ORC3: variants seen among roughly 807,000 people sequenced by gnomAD.
ORC3 encodes homolog of latheo, Drosophila.
A neutral mutation model predicts 100.7 loss-of-function variants in ORC3; 78 were observed. The observed-to-expected ratio is 0.77, with a 90% CI of 0.65 to 0.94. ORC3 has a LOEUF of 0.94. ORC3 is among the 40% of genes least tolerant of loss of function. The pLI, the probability that ORC3 is intolerant of heterozygous loss-of-function variation, is 0.00. For missense variants in ORC3, 789 were observed against 823.9 expected (o/e 0.96, Z 0.52); for synonymous variants, 295 against 289.3 (o/e 1.02, Z -0.20).
intron 14 of ORC3, among the ~76,000 whole-genome samples, chr6:87,655,979 C>T (rs1195282884): frequency 6.6e-6 from 1 of 152,164 alleles, no homozygotes; most frequent in Non-Finnish European, 1.5e-5. Flanking sequence ...TATTCTCCAG[C>T]TGCATCCTCC....
chr6:87,676,622 C>A, the ORC3 span, among the ~76,000 whole-genome samples: 52 of 123,290 alleles, frequency 4.2e-4, no homozygotes, highest in Admixed American at 1.8e-3. Context: ...CACACACACA[C>A]ACACAAACAT....
At chr6:87,618,779 T>A (rs1039719112) in intron 9 of ORC3, among the ~76,000 whole-genome samples, 4 of 152,024 alleles carry the variant, frequency 2.6e-5, no homozygotes, top group Non-Finnish European at 4.4e-5. Flanking sequence ...CTGTTGTTTT[T>A]TTTTTTCTTA....
intron 1 of ORC3, among the ~76,000 whole-genome samples, chr6:87,591,976 C>A (rs949414429): frequency 1.3e-5 from 2 of 152,200 alleles, no homozygotes; most frequent in African/African-American, 4.8e-5. Flanking sequence ...AGTGATCCGC[C>A]AGCCTCGGCC....
intron 2 of ORC3, among the ~76,000 whole-genome samples, chr6:87,599,402 C>T (rs1406962422): frequency 6.7e-6 from 1 of 149,518 alleles, no homozygotes; most frequent in Admixed American, 6.7e-5. Context: ...AGGTTTTGCT[C>T]TGTCGCCCAG....
chr6:87,598,031 A>G (rs1341211119), intron 2 of ORC3, among the ~76,000 whole-genome samples: 1 of 152,104 alleles, frequency 6.6e-6, no homozygotes, highest in Admixed American at 6.6e-5. Flanking sequence ...ACAGTGTGCC[A>G]GACTGTTTTG....
chr6:87,596,355 G>A (rs1257636289), intron 2 of ORC3, among the ~76,000 whole-genome samples: 3 of 150,918 alleles, frequency 2.0e-5, no homozygotes, highest in African/African-American at 4.9e-5. Context: ...GGCTGATCTC[G>A]AACTCCCGGC....
chr6:87,637,375 T>C (rs1024675552), intron 13 of ORC3, among the ~76,000 whole-genome samples: 7 of 152,294 alleles, frequency 4.6e-5, no homozygotes, highest in African/African-American at 1.7e-4. Flanking sequence ...ATGAATTTCA[T>C]GCTATCTGGA....
At chr6:87,658,522 G>T (rs1446397303) in intron 16 of ORC3, among the ~76,000 whole-genome samples, 2 of 151,788 alleles carry the variant, frequency 1.3e-5, no homozygotes, top group Admixed American at 6.6e-5. Flanking sequence ...CTAATCAAAT[G>T]ACTTAGTTCA....
intron 11 of ORC3, among the ~76,000 whole-genome samples, chr6:87,628,635 G>A (rs1780093231): frequency 6.6e-6 from 1 of 152,270 alleles, no homozygotes; most frequent in African/African-American, 2.4e-5. Context: ...AAGAACTGCA[G>A]CCAAGAGAAA....
chr6:87,673,797 C>T, the ORC3 span, among the ~76,000 whole-genome samples: 1 of 150,614 alleles, frequency 6.6e-6, no homozygotes, highest in Non-Finnish European at 1.5e-5. Context: ...GCCGAGATGG[C>T]AGCACTGCAC....
intron 11 of ORC3, among the ~76,000 whole-genome samples, chr6:87,630,130 A>G (rs899888515): frequency 6.6e-6 from 1 of 152,224 alleles, no homozygotes; most frequent in Non-Finnish European, 1.5e-5. Flanking sequence ...GGTTGCTCTT[A>G]CTTAAAAGAG....
the ORC3 span, among the ~76,000 whole-genome samples, chr6:87,674,428 T>C: frequency 6.6e-6 from 1 of 151,684 alleles, no homozygotes; most frequent in East Asian, 1.9e-4. Flanking sequence ...CACTGAAGCA[T>C]GTTTTTGCTT....
At chr6:87,614,410 C>T (rs1056210470) in intron 8 of ORC3, among the ~76,000 whole-genome samples, 4 of 152,188 alleles carry the variant, frequency 2.6e-5, no homozygotes, top group Non-Finnish European at 4.4e-5. Flanking sequence ...CTGACATGCC[C>T]TGGAGATATT....
chr6:87,621,962 G>A lies in ORC3; in HGVS notation c.1134G>A (p.Lys378=), dbSNP rs774208620. The change falls in exon 11 of 20, where the codon AAG becomes AAA. Residue 378 remains lysine (K), a synonymous_variant. Transcript: ENST00000392844. ...GTGAAAATTCTAGGTACGTGGAAAA[G>A]CAAGCTTCAGAAAAGCAAGTTGCGC... The part of the protein sequence containing the change: ...RLPSFRRYVE[K]QASEKQVALL... The A allele has an allele frequency of 6.2e-7, 1 of 1,606,002 alleles. No individual in the cohort carries two copies. The highest frequency in any genetic ancestry group is 8.5e-7 in the Non-Finnish European group (1 of 1,174,706).
intron 13 of ORC3, among the ~76,000 whole-genome samples, chr6:87,638,484 A>G (rs1459151750): frequency 6.6e-6 from 1 of 152,268 alleles, no homozygotes; most frequent in African/African-American, 2.4e-5. Context: ...TTAAGGTACT[A>G]TTAGAAACAT....
At chr6:87,647,518 T>C (rs1257285411) in intron 13 of ORC3, among the ~76,000 whole-genome samples, 2 of 152,240 alleles carry the variant, frequency 1.3e-5, no homozygotes, top group African/African-American at 4.8e-5. Context: ...TCTCCGCTTA[T>C]TCTGTTCAAT....
intron 17 of ORC3, among the ~76,000 whole-genome samples, chr6:87,664,088 GTCT>G (rs1770413087): frequency 6.6e-6 from 1 of 152,000 alleles, no homozygotes; most frequent in Non-Finnish European, 1.5e-5. Flanking sequence ...TACAAAATCT[GTCT>G]TCTTCTTGGC....
chr6:87,631,977 AC>A (rs1767457074), intron 11 of ORC3, among the ~76,000 whole-genome samples: 1 of 151,702 alleles, frequency 6.6e-6, no homozygotes, highest in South Asian at 2.1e-4. Flanking sequence ...AGCCTGGCCA[AC>A]CCAGTGAAAC....
rs186402919 is a variant in ORC3 at position 87,602,428 on chromosome 6, C to A, written c.177+547C>A. 9.7e-3 allele frequency among the ~76,000 whole-genome samples: 1,467 copies of A among 151,708 alleles called. 33 individuals carry two copies. Among genetic ancestry groups the A allele is most frequent in the African/African-American group, 0.034 (1,418 of 41,344 alleles). Reference sequence around the variant, plus strand: ...GCTCTGAAACATTTCTTCACTATAGCAAATTGGTAGCTCTAGGGCCAGCAT... The same window carrying A: ...GCTCTGAAACATTTCTTCACTATAGAAAATTGGTAGCTCTAGGGCCAGCAT... On this transcript the variant is annotated intron_variant, in intron 3 of 19. Transcript: ENST00000392844.
Sources: gnomAD v4.1 joint callset for allele counts (sites outside exome capture counted in the v4.1 genomes callset) on GRCh38, gnomAD v4.1.1 for gene constraint, MANE v1.5 for transcripts, NCBI Gene and HGNC (gene_info 2026-07-23, HGNC 2026-07-21) for gene names.